The following ZSCAN26 variants were observed in gnomAD, a reference collection of about 807,000 sequenced individuals.
The protein encoded by ZSCAN26 is zinc finger and SCAN domain-containing protein 26.
Under a neutral mutation model 23.0 loss-of-function variants are expected in ZSCAN26, and 26 were observed. That is an observed-to-expected ratio of 1.13 (90% CI 0.83 to 1.57). The LOEUF is 1.57. ZSCAN26 is among the 40% of genes most tolerant of loss of function. ZSCAN26 has a pLI of 0.00. For missense variants in ZSCAN26, 528 were observed against 568.5 expected (o/e 0.93, Z 0.72); for synonymous variants, 180 against 202.5 (o/e 0.89, Z 0.94).
intron 1 of ZSCAN26, among the ~76,000 whole-genome samples, chr6:28,269,130 A>G (rs1280011300): frequency 6.6e-6 from 1 of 150,748 alleles, no homozygotes; most frequent in African/African-American, 2.5e-5. Flanking sequence ...AAAAAAAAAC[A>G]CATCATACCC....
At position 28,276,545 on chromosome 6, in the gene ZSCAN26, C is replaced by T. The variant is rs750598932; in HGVS notation, c.889C>T (p.His297Tyr). ...TGGGAAAGCCTTTCAGAGGAGTTCA[C>T]ACCTCGTCAGACATCAGAAAATCCA... is the stretch of plus-strand genomic sequence containing the variant. ...ECGKAFQRSS[H>Y]LVRHQKIHLG... The change falls in exon 4 of 4, where the codon CAC (histidine) becomes TAC (tyrosine). Residue 297 changes from histidine to tyrosine, a missense_variant. His to Tyr is a moderately conservative substitution (Grantham distance 83, BLOSUM62 2). Coordinates refer to ENST00000421553, the MANE Select transcript of ZSCAN26 (RefSeq NM_001023560.4). The T allele has an allele frequency of 3.7e-6, 6 of 1,613,670 alleles. No individual in the cohort carries two copies. In the South Asian group the frequency reaches 5.5e-5, roughly 15 times the overall value.
In ZSCAN26 at chr6:28,276,919, A is replaced by AC; in HGVS notation, c.1265dup (p.Lys424GlnfsTer3). ...ACCACAGAATTCATACTGGAGAAAA[A>AC]CCTTTCAAGTGTAACATATGCCAGA... is the stretch of plus-strand genomic sequence containing the variant. On this transcript the variant is annotated frameshift_variant, in exon 4 of 4. Transcript: ENST00000421553. LOFTEE classifies it low-confidence loss of function (END_TRUNC). 6.2e-7 allele frequency: 1 copy of AC among 1,613,930 alleles called. No individual in the cohort carries two copies. Among genetic ancestry groups the AC allele is most frequent in the East Asian group, 2.2e-5 (1 of 44,876 alleles).
chr6:28,276,734 A>C lies in ZSCAN26; in HGVS notation c.1078A>C (p.Ile360Leu). Residue 360 changes from isoleucine to leucine, a missense_variant, in exon 4 of 4, where the codon ATT becomes CTT. Physicochemically the swap from Ile to Leu is conservative, Grantham distance 5 (BLOSUM62 2). Coordinates refer to ENST00000421553, the MANE Select transcript of ZSCAN26 (RefSeq NM_001023560.4). ...RSSHLNRHQR[I>L]HSQEEPCECK... Reference sequence around the variant, plus strand: ...CTCTCACCTTAATCGACATCAGAGAATTCACAGTCAGGAGGAGCCCTGTGA... The same window carrying C: ...CTCTCACCTTAATCGACATCAGAGACTTCACAGTCAGGAGGAGCCCTGTGA... 2 of 1,613,826 alleles carry C rather than the reference A, an allele frequency of 1.2e-6. No homozygotes were observed. Among genetic ancestry groups the C allele is most frequent in the Non-Finnish European group, 1.7e-6 (2 of 1,179,792 alleles).
rs1761996949 is a variant in ZSCAN26 at position 28,277,400 on chromosome 6, A to G, written c.*304A>G. 1 of 290,648 alleles carries G rather than the reference A, an allele frequency of 3.4e-6. No individual in the cohort carries two copies. The highest frequency in any genetic ancestry group is 6.6e-5 in the South Asian group (1 of 15,040). 18.0% of individuals were successfully genotyped at this position (290,648 alleles called of 1,614,324 possible). A position where few individuals can be genotyped will look rare whatever the true frequency, so the allele number is the denominator to read the frequency against. On this transcript the variant is annotated 3_prime_UTR_variant, in exon 4 of 4. Coordinates refer to ENST00000421553, the MANE Select transcript of ZSCAN26 (RefSeq NM_001023560.4). ...CAATAGAGAGCTTCATGACTGAGTAAGAGTTTTGAAGTCAGCAGTGAATCA... is the reference window on the plus strand; with the variant it reads ...CAATAGAGAGCTTCATGACTGAGTAGGAGTTTTGAAGTCAGCAGTGAATCA...
At position 28,276,731 on chromosome 6, in the gene ZSCAN26, A is replaced by C. The variant is rs764484882; in HGVS notation, c.1075A>C (p.Arg359=). ...CAGCTCTCACCTTAATCGACATCAG[A>C]GAATTCACAGTCAGGAGGAGCCCTG... ...RRSSHLNRHQ[R]IHSQEEPCEC... Residue 359 remains arginine (R), a synonymous_variant, in exon 4 of 4, where the codon AGA becomes CGA. Coordinates refer to ENST00000421553, the MANE Select transcript of ZSCAN26 (RefSeq NM_001023560.4). The C allele has an allele frequency of 6.2e-7, 1 of 1,613,746 alleles. No homozygotes were observed. The highest frequency in any genetic ancestry group is 8.5e-7 in the Non-Finnish European group (1 of 1,179,762).
chr6:28,274,168 G>A (rs1761841697), intron 3 of ZSCAN26, among the ~76,000 whole-genome samples: 1 of 151,868 alleles, frequency 6.6e-6, no homozygotes, highest in Non-Finnish European at 1.5e-5. Context: ...CAGACTAAAA[G>A]GGAAGGGGTT....
At chr6:28,276,154 T>G in intron 3 of ZSCAN26, 41 bp from the exon 4 acceptor site, 1 of 1,522,850 alleles carries the variant, frequency 6.6e-7, no homozygotes, top group Non-Finnish European at 8.8e-7. Flanking sequence ...TCCCCAAGCA[T>G]CAAAAGACAA....
intron 1 of ZSCAN26, among the ~76,000 whole-genome samples, chr6:28,267,893 A>T (rs1238639766): frequency 6.6e-6 from 1 of 152,214 alleles, no homozygotes; most frequent in East Asian, 1.9e-4. Flanking sequence ...GTAATTTTTT[A>T]AAATTCCAAG....
chr6:28,267,966 T>C (rs753316051), intron 1 of ZSCAN26, among the ~76,000 whole-genome samples: 7 of 152,032 alleles, frequency 4.6e-5, no homozygotes, highest in Non-Finnish European at 7.4e-5. Context: ...GCTTTGAAAA[T>C]AGAGACAATA....
chr6:28,275,040 C>G (rs1761877153), intron 3 of ZSCAN26, among the ~76,000 whole-genome samples: 1 of 152,160 alleles, frequency 6.6e-6, no homozygotes, highest in African/African-American at 2.4e-5. Flanking sequence ...CTGTGACCTT[C>G]CTTTCTCTGA....
chr6:28,272,212 A>C lies in ZSCAN26; in HGVS notation c.293A>C (p.Gln98Pro). 1 of 1,614,148 alleles carries C rather than the reference A, an allele frequency of 6.2e-7. No individual in the cohort carries two copies. The highest frequency in any genetic ancestry group is 8.5e-7 in the Non-Finnish European group (1 of 1,180,014). ...ATCCTGGAGCTGCTGGTGCTGGAGCAGTTTCTGATCATCCTGCCTAAGGAG... is the reference window on the plus strand; with the variant it reads ...ATCCTGGAGCTGCTGGTGCTGGAGCCGTTTCTGATCATCCTGCCTAAGGAG... ...EQILELLVLEQFLIILPKELQ... is the reference protein window; with the variant it reads ...EQILELLVLEPFLIILPKELQ... Residue 98 changes from glutamine to proline, a missense_variant, in exon 2 of 4, where the codon CAG (glutamine) becomes CCG (proline). Transcript: ENST00000421553.
chr6:28,273,860 G>A (rs375908752), intron 3 of ZSCAN26, among the ~76,000 whole-genome samples: 1 of 151,786 alleles, frequency 6.6e-6, no homozygotes, highest in Admixed American at 6.6e-5. Context: ...TGGGACTACC[G>A]GTGTGTGTGC....
At chr6:28,271,619 G>C (rs1391278661) in intron 1 of ZSCAN26, among the ~76,000 whole-genome samples, 1 of 152,158 alleles carries the variant, frequency 6.6e-6, no homozygotes, top group African/African-American at 2.4e-5. Context: ...GTAAGCCACA[G>C]TGCCTAGCCT....
At position 28,276,512 on chromosome 6, in the gene ZSCAN26, C is replaced by A. The variant is rs1312747183; in HGVS notation, c.856C>A (p.His286Asn). 1.9e-6 allele frequency: 3 copies of A among 1,613,886 alleles called. No homozygotes were observed. The highest frequency in any genetic ancestry group is 2.5e-6 in the Non-Finnish European group (3 of 1,179,840). Residue 286 changes from histidine to asparagine, a missense_variant, in exon 4 of 4, where the codon CAT (histidine) becomes AAT (asparagine). His to Asn is a moderately conservative substitution (Grantham distance 68). Transcript: ENST00000421553. Reference protein sequence around the residue: ...VLSREKGHQCHECGKAFQRSS... With the variant: ...VLSREKGHQCNECGKAFQRSS... ...CTCTAGAGAGAAAGGTCATCAGTGTCATGAGTGTGGGAAAGCCTTTCAGAG... is the reference window on the plus strand; with the variant it reads ...CTCTAGAGAGAAAGGTCATCAGTGTAATGAGTGTGGGAAAGCCTTTCAGAG...
chr6:28,267,246 G>C (rs1418951251), intron 1 of ZSCAN26, 33 bp downstream of exon 1: 1 of 152,376 alleles, frequency 6.6e-6, no homozygotes, highest in African/African-American at 2.4e-5. Context: ...CCCCGGGCTG[G>C]GGCGGAACTG....
rs1442058307 is a variant in ZSCAN26, at chr6:28,277,793, A to G, written c.*697A>G. The G allele has an allele frequency of 6.6e-6, 1 of 152,244 alleles. No homozygotes were observed. The highest frequency in any genetic ancestry group is 2.4e-5 in the African/African-American group (1 of 41,466). The allele number at this position is 152,244 out of a possible 1,614,324, so 9.4% of individuals were successfully genotyped here. On this transcript the variant is annotated 3_prime_UTR_variant, in exon 4 of 4. Coordinates refer to ENST00000421553, the MANE Select transcript of ZSCAN26 (RefSeq NM_001023560.4). The stretch of plus-strand genomic sequence containing the variant: ...ATTAACGTTTTACTTAGACTTTGAA[A>G]GAGATTTCATGAGTAATTTGAATGA...
intron 1 of ZSCAN26, among the ~76,000 whole-genome samples, chr6:28,271,157 A>G (rs1322869034): frequency 1.3e-5 from 2 of 151,792 alleles, no homozygotes; most frequent in African/African-American, 4.8e-5. Context: ...TCTGGATACT[A>G]TTGTCTTTTT....
chr6:28,273,555 C>CA (rs11412535), intron 3 of ZSCAN26, among the ~76,000 whole-genome samples: 29,568 of 144,462 alleles, frequency 0.2, 3,399 homozygotes, highest in African/African-American at 0.32. Context: ...AACAAACAAA[C>CA]AAAAAAAAAA....
Position 28,276,207 on chromosome 6 carries a change from G to C in ZSCAN26, c.551G>C (p.Arg184Thr), listed in dbSNP as rs1430539981. Residue 184 changes from arginine (R) to threonine (T), a missense_variant, in exon 4 of 4, where the codon AGG (arginine) becomes ACG (threonine). Arg to Thr is a moderately conservative substitution (Grantham distance 71, BLOSUM62 -1). Transcript: ENST00000421553. The stretch of plus-strand genomic sequence containing the variant: ...TTTAATATTGCAGGTGAGGAGACAA[G>C]GATTGAGAATGGGAAGCTTATTGTA... ...KPEKEKGEETRIENGKLIVVT... is the reference protein window; with the variant it reads ...KPEKEKGEETTIENGKLIVVT... The C allele has an allele frequency of 1.2e-6, 2 of 1,609,580 alleles. No homozygotes were observed. The highest frequency in any genetic ancestry group is 1.7e-6 in the Non-Finnish European group (2 of 1,177,416).
Sources: allele counts gnomAD v4.1 joint callset (sites outside exome capture counted in the v4.1 genomes callset), GRCh38; gene constraint gnomAD v4.1.1; transcripts MANE v1.5; gene names NCBI Gene and HGNC (gene_info 2026-07-23, HGNC 2026-07-21).